The following PLAU variants were observed in gnomAD, a reference collection of about 807,000 sequenced individuals.
The protein encoded by PLAU is plasminogen activator, urokinase, also known as urokinase-type plasminogen activator.
A neutral mutation model predicts 48.9 loss-of-function variants in PLAU; 32 were observed. The observed-to-expected ratio is 0.65, with a 90% confidence interval of 0.49 to 0.88. The LOEUF is 0.88. Ranked by LOEUF, PLAU falls within the 40% of genes least tolerant of loss-of-function variation. The pLI is 0.00. For missense variants in PLAU, 455 were observed against 545.2 expected, an observed-to-expected ratio of 0.83 and a Z score of 1.65; for synonymous variants, 199 against 205.7, an observed-to-expected ratio of 0.97 and a Z score of 0.28.
chr10:73,910,675 C>G (rs552281163), upstream of PLAU: 5 of 152,342 alleles, frequency 3.3e-5, no homozygotes, highest in African/African-American at 1.2e-4. Flanking sequence ...GAGAGTATGT[C>G]TCGTACATTT....
At chr10:73,909,573 G>A (rs916007975), upstream of PLAU, among the ~76,000 whole-genome samples, 3 of 152,156 alleles carry the variant, frequency 2.0e-5, no homozygotes, top group East Asian at 3.9e-4. Context: ...CTGAGCCCTC[G>A]GCTGGGGCAG....
Position 73,911,242 on chromosome 10 carries a change from C to A in PLAU, c.-32+24C>A, listed in dbSNP as rs1291156102. The A allele has an allele frequency of 2.5e-5, 11 of 448,252 alleles. No homozygotes were observed. The East Asian group carries it at 5.1e-4, about 21-fold the overall frequency. 27.8% of individuals were successfully genotyped at this position (448,252 alleles called of 1,614,324 possible). A position where few individuals can be genotyped will look rare whatever the true frequency, so the allele number is the denominator to read the frequency against. On this transcript the variant is annotated intron_variant, in intron 1 of 10. Coordinates refer to ENST00000372764, the MANE Select transcript of PLAU (RefSeq NM_002658.6). ...CGGTGAGTGCCGCGGTCCTGAGATC[C>A]CCGGGCCGGATGCGCGGCGGCCCCA...
At position 73,911,730 on chromosome 10, in the gene PLAU, C is replaced by G. The variant is rs1028732377; in HGVS notation, c.57+118C>G. 8.4e-6 allele frequency: 13 copies of G among 1,556,596 alleles called. No individual in the cohort carries two copies. In the African/African-American group the frequency reaches 1.5e-4, roughly 18 times the overall value. On this transcript the variant is annotated intron_variant, in intron 2 of 10. Transcript: ENST00000372764. ...GGATTCCATCCACAGCAGGGCCAGA[C>G]TCTCCCCAGGAAATGGGACAGGGTG...
At chr10:73,913,234 A>G (rs993426231) in intron 5 of PLAU, 56 bp from the exon 6 acceptor site, 2 of 1,578,774 alleles carry the variant, frequency 1.3e-6, no homozygotes, top group African/African-American at 1.3e-5. Context: ...TGAGGGGAGG[A>G]GGCAGGGAAG....
rs1288717175 is a variant in PLAU at position 73,917,058 on chromosome 10, T to G, written c.*493T>G. ...TTCAGGGCAGGGCTCTGATATTCCATGAATGTATCAGGAAATATATATGTG... is the reference window on the plus strand; with the variant it reads ...TTCAGGGCAGGGCTCTGATATTCCAGGAATGTATCAGGAAATATATATGTG... On this transcript the variant is annotated 3_prime_UTR_variant, in exon 11 of 11. Coordinates refer to ENST00000372764, the MANE Select transcript of PLAU (RefSeq NM_002658.6). 1 of 160,672 alleles carries G rather than the reference T, an allele frequency of 6.2e-6. No homozygotes were observed. The highest frequency in any genetic ancestry group is 2.4e-5 in the African/African-American group (1 of 41,482). The allele number at this position is 160,672 out of a possible 1,614,324, so 10.0% of individuals were successfully genotyped here. A position where few individuals can be genotyped will look rare whatever the true frequency, so the allele number is the denominator to read the frequency against.
Position 73,915,317 on chromosome 10 carries a change from A to G in PLAU, c.1037A>G (p.Gln346Arg), listed in dbSNP as rs1392439144. Residue 346 changes from glutamine (Q) to arginine (R), a missense_variant, in exon 10 of 11, where the codon CAG (glutamine) becomes CGG (arginine). By Grantham distance (43) the Gln-to-Arg change is conservative (BLOSUM62 1). Coordinates refer to ENST00000372764, the MANE Select transcript of PLAU (RefSeq NM_002658.6). ...VVKLISHREC[Q>R]QPHYYGSEVT... ...AAGCTGATTTCCCACCGGGAGTGTC[A>G]GCAGCCCCACTACTACGGCTCTGAA... The G allele has an allele frequency of 6.2e-7, 1 of 1,613,984 alleles. No individual in the cohort carries two copies. The highest frequency in any genetic ancestry group is 8.5e-7 in the Non-Finnish European group (1 of 1,179,896).
At chr10:73,915,615 C>T (rs947948055) in intron 10 of PLAU, among the ~76,000 whole-genome samples, 2 of 152,082 alleles carry the variant, frequency 1.3e-5, no homozygotes, top group Non-Finnish European at 2.9e-5. Flanking sequence ...ACTGGGGGCA[C>T]GAGATCCTAG....
chr10:73,915,268 G>A lies in PLAU; in HGVS notation c.988G>A (p.Glu330Lys), dbSNP rs767416770. The part of the protein sequence containing the change: ...KENSTDYLYP[E>K]QLKMTVVKLI... ...CCACCTAGCCGACTATCTCTATCCGGAGCAGCTGAAAATGACTGTTGTGAA... is the reference window on the plus strand; with the variant it reads ...CCACCTAGCCGACTATCTCTATCCGAAGCAGCTGAAAATGACTGTTGTGAA... The change falls in exon 10 of 11, where the codon GAG (glutamate) becomes AAG (lysine). Residue 330 changes from glutamate to lysine, a missense_variant. Glu to Lys is a moderately conservative substitution (Grantham distance 56). Coordinates refer to ENST00000372764, the MANE Select transcript of PLAU (RefSeq NM_002658.6). 6.8e-6 allele frequency: 11 copies of A among 1,613,812 alleles called. No homozygotes were observed. In the South Asian group the frequency reaches 1.2e-4, roughly 18 times the overall value.
rs768245891 is a variant in PLAU at position 73,916,431 on chromosome 10, A to G, written c.1162A>G (p.Met388Val). ...CCTCGTCTGTTCCCTCCAAGGCCGC[A>G]TGACTTTGACTGGAATTGTGAGCTG... ...GPLVCSLQGRMTLTGIVSWGR... is the reference protein window; with the variant it reads ...GPLVCSLQGRVTLTGIVSWGR... The change falls in exon 11 of 11, where the codon ATG (methionine) becomes GTG (valine). Residue 388 changes from methionine (M) to valine (V), a missense_variant. Met to Val is a conservative substitution (Grantham distance 21, BLOSUM62 1). Transcript: ENST00000372764. 9 of 1,613,814 alleles carry G rather than the reference A, an allele frequency of 5.6e-6. No individual in the cohort carries two copies. Among genetic ancestry groups the G allele is most frequent in the African/African-American group, 1.3e-5 (1 of 75,044 alleles).
chr10:73,912,745 G>A (rs1183678746), intron 4 of PLAU, among the ~76,000 whole-genome samples, 179 bp from the exon 5 acceptor site: 1 of 152,044 alleles, frequency 6.6e-6, no homozygotes, highest in Non-Finnish European at 1.5e-5. Context: ...CAGCTACTTG[G>A]GAGGCTGAGG....
At position 73,913,686 on chromosome 10, in the gene PLAU, G is replaced by C. The variant is rs1246978091; in HGVS notation, c.608G>C (p.Gly203Ala). 2.5e-6 allele frequency: 4 copies of C among 1,613,442 alleles called. No homozygotes were observed. The highest frequency in any genetic ancestry group is 1.3e-5 in the African/African-American group (1 of 74,872). ...FAAIYRRHRG[G>A]SVTYVCGGSL... ...GCCATCTACAGGAGGCACCGGGGGGGCTCTGTCACCTACGTGTGTGGAGGC... is the reference window on the plus strand; with the variant it reads ...GCCATCTACAGGAGGCACCGGGGGGCCTCTGTCACCTACGTGTGTGGAGGC... Residue 203 changes from glycine (G) to alanine (A), a missense_variant, in exon 7 of 11, where the codon GGC becomes GCC. Transcript: ENST00000372764.
At position 73,912,931 on chromosome 10, in the gene PLAU, A is replaced by C. The variant is rs2096127672; in HGVS notation, c.201A>C (p.Ser67=). 4 of 1,609,090 alleles carry C rather than the reference A, an allele frequency of 2.5e-6. No individual in the cohort carries two copies. The highest frequency in any genetic ancestry group is 8.5e-7 in the Non-Finnish European group (1 of 1,177,850). ...CCTCCTGTCCCCTTGTAGATAAGTC[A>C]AAAACCTGCTATGAGGGGAATGGTC... ...FGGQHCEIDK[S]KTCYEGNGHF... The change falls in exon 5 of 11, where the codon TCA becomes TCC. Residue 67 remains serine, a synonymous_variant. Transcript: ENST00000372764.
At chr10:73,910,559 G>A (rs2096121823), upstream of PLAU, 1 of 152,222 alleles carries the variant, frequency 6.6e-6, no homozygotes, top group Non-Finnish European at 1.5e-5. Flanking sequence ...AATAAGCCCG[G>A]CTTTGTTCCA....
intron 7 of PLAU, 65 bp downstream of exon 7, chr10:73,913,823 C>G (rs2096130274): frequency 7.0e-7 from 1 of 1,429,046 alleles, no homozygotes; most frequent in Non-Finnish European, 9.6e-7. Context: ...CTTTCTCCTT[C>G]CCAGCAAAGT....
chr10:73,915,476 G>T, intron 10 of PLAU, 77 bp downstream of exon 10: 1 of 1,405,426 alleles, frequency 7.1e-7, no homozygotes. Flanking sequence ...CCAGCTTAAG[G>T]GTGTCTCTCT....
chr10:73,911,810 G>A (rs2096124842), intron 2 of PLAU, 198 bp downstream of exon 2: 6 of 1,551,784 alleles, frequency 3.9e-6, no homozygotes, highest in Middle Eastern at 1.7e-4. Context: ...GGGAGGAAGA[G>A]GCCGCCGGGA....
chr10:73,914,823 C>T lies in PLAU; in HGVS notation c.877C>T (p.Arg293Trp), dbSNP rs764761357. 35 of 1,613,962 alleles carry T rather than the reference C, an allele frequency of 2.2e-5. No individual in the cohort carries two copies. Among genetic ancestry groups the T allele is most frequent in the Middle Eastern group, 1.6e-4 (1 of 6,084 alleles). The change falls in exon 9 of 11, where the codon CGG becomes TGG. Residue 293 changes from arginine (R) to tryptophan (W), a missense_variant. Physicochemically the swap from Arg to Trp is moderately radical, Grantham distance 101 (BLOSUM62 -3). Transcript: ENST00000372764. ...SKEGRCAQPS[R>W]TIQTICLPSM... ...GGAGGGCAGGTGTGCGCAGCCATCC[C>T]GGACTATACAGACCATCTGCCTGCC...
At chr10:73,908,857 CAAAAAAA>C (rs11339212), upstream of PLAU, among the ~76,000 whole-genome samples, 1 of 102,648 alleles carries the variant, frequency 9.7e-6, no homozygotes, top group African/African-American at 3.7e-5. Context: ...GACTCCGTCT[CAAAAAAA>C]AAAAAAAAAA....
chr10:73,914,051 A>G lies in PLAU; in HGVS notation c.752A>G (p.Glu251Gly). The change falls in exon 8 of 11, where the codon GAG becomes GGG. Residue 251 changes from glutamate (E) to glycine (G), a missense_variant. Physicochemically the swap from Glu to Gly is moderately conservative, Grantham distance 98. Transcript: ENST00000372764. ...AGGCTTAACTCCAACACGCAAGGGG[A>G]GATGAAGTTTGAGGTGGAAAACCTC... ...RSRLNSNTQG[E>G]MKFEVENLIL... The G allele has an allele frequency of 6.2e-7, 1 of 1,613,876 alleles. No homozygotes were observed.
Sources: gnomAD v4.1 joint callset for allele counts (sites outside exome capture counted in the v4.1 genomes callset) on GRCh38, gnomAD v4.1.1 for gene constraint, MANE v1.5 for transcripts, NCBI Gene and HGNC (gene_info 2026-07-23, HGNC 2026-07-21) for gene names.